Variants in NFIA observed in about 807,000 individuals in gnomAD.
NFIA encodes the protein nuclear factor I A, also known as nuclear factor 1 A-type.
In NFIA, 8 loss-of-function variants were observed where a neutral mutation model predicts 62.8. The ratio of observed to expected loss-of-function variants is 0.13; its 90% CI spans 0.07 to 0.23. The LOEUF (loss-of-function observed/expected upper bound fraction) is 0.23. NFIA is among the 10% of genes least tolerant of loss of function. The pLI is 1.00. For synonymous variants in NFIA, 235 were observed against 238.1 expected (o/e 0.99, Z 0.12); for missense variants, 410 against 642.1 (o/e 0.64, Z 3.91).
chr1:61,222,549 G>T (rs1164873527), intron 2 of NFIA, among the ~76,000 whole-genome samples: 1 of 152,078 alleles, frequency 6.6e-6, no homozygotes, highest in East Asian at 1.9e-4. Context: ...AGAGAATTGA[G>T]CCCTGAGAGC....
intron 9 of NFIA, 93 bp downstream of exon 9, chr1:61,406,820 G>C (rs1314713078): frequency 7.5e-7 from 1 of 1,339,662 alleles, no homozygotes; most frequent in Non-Finnish European, 9.9e-7. Context: ...ATAGGCTCTA[G>C]AAAGAGGCAC....
intron 3 of NFIA, among the ~76,000 whole-genome samples, chr1:61,298,481 T>C (rs867925508): frequency 1.7e-4 from 26 of 152,308 alleles, no homozygotes; most frequent in African/African-American, 5.8e-4. Context: ...TCAGTTCACC[T>C]TTGGCCATGG....
At chr1:61,266,465 T>A (rs946947443) in intron 2 of NFIA, among the ~76,000 whole-genome samples, 1 of 152,124 alleles carries the variant, frequency 6.6e-6, no homozygotes, top group Non-Finnish European at 1.5e-5. Flanking sequence ...CTGCAACCTC[T>A]GTCTCCTGGG....
At chr1:61,453,534 A>G (rs1481985912) in intron 10 of NFIA, among the ~76,000 whole-genome samples, 1 of 149,432 alleles carries the variant, frequency 6.7e-6, no homozygotes, top group Non-Finnish European at 1.5e-5. Context: ...TCTCGTCCAG[A>G]AACTGTGGTG....
At chr1:61,402,494 A>G (rs1665618212) in intron 7 of NFIA, among the ~76,000 whole-genome samples, 1 of 152,186 alleles carries the variant, frequency 6.6e-6, no homozygotes. Context: ...ATATTTATTG[A>G]GTGCCAGACT....
At chr1:61,358,063 C>G (rs1309950940) in intron 5 of NFIA, among the ~76,000 whole-genome samples, 2 of 152,000 alleles carry the variant, frequency 1.3e-5, no homozygotes, top group Non-Finnish European at 2.9e-5. Flanking sequence ...CTTGACCGTA[C>G]CTCTCCAAAA....
Position 61,404,226 on chromosome 1 carries a change from G to T in NFIA, c.1198G>T (p.Val400Phe). The T allele has an allele frequency of 6.2e-7, 1 of 1,614,186 alleles. No homozygotes were observed. The highest frequency in any genetic ancestry group is 8.5e-7 in the Non-Finnish European group (1 of 1,180,028). ...YHPQETLKEFVQLVCPDAGQQ... is the reference protein window; with the variant it reads ...YHPQETLKEFFQLVCPDAGQQ... ...CCCTCAGGAGACGCTGAAAGAATTT[G>T]TCCAACTTGTCTGCCCTGATGCTGG... Residue 400 changes from valine (V) to phenylalanine (F), a missense_variant, in exon 8 of 11, where the codon GTC (valine) becomes TTC (phenylalanine). Coordinates refer to ENST00000403491, the MANE Select transcript of NFIA (RefSeq NM_001134673.4).
intron 10 of NFIA, among the ~76,000 whole-genome samples, chr1:61,429,950 A>T (rs1347377640): frequency 6.6e-6 from 1 of 152,222 alleles, no homozygotes; most frequent in Non-Finnish European, 1.5e-5. Flanking sequence ...TTAAAGGGGT[A>T]CAGAGTTTCA....
At chr1:61,111,244 T>A (rs1437467401) in intron 2 of NFIA, among the ~76,000 whole-genome samples, 2 of 152,168 alleles carry the variant, frequency 1.3e-5, no homozygotes, top group Non-Finnish European at 2.9e-5. Flanking sequence ...TTTTTCTTTT[T>A]ATAAGTTGCC....
chr1:61,337,678 G>T (rs1661686056), intron 4 of NFIA, among the ~76,000 whole-genome samples: 1 of 152,200 alleles, frequency 6.6e-6, no homozygotes, highest in Non-Finnish European at 1.5e-5. Context: ...ACATGATGCT[G>T]CATTTTCAAA....
At chr1:61,366,393 A>G (rs1663589929) in intron 6 of NFIA, among the ~76,000 whole-genome samples, 1 of 152,220 alleles carries the variant, frequency 6.6e-6, no homozygotes, top group African/African-American at 2.4e-5. Flanking sequence ...AAGCTACTTA[A>G]ATTTTCTCCT....
intron 2 of NFIA, among the ~76,000 whole-genome samples, chr1:61,211,617 A>G (rs996285591): frequency 1.3e-5 from 2 of 152,192 alleles, no homozygotes; most frequent in Non-Finnish European, 2.9e-5. Context: ...AGACACCAGG[A>G]AATATTACAC....
rs186763678 is a variant in NFIA, at chr1:61,147,493, G to T, written c.559+58813G>T. The stretch of plus-strand genomic sequence containing the variant: ...AAAATCAGTTTTAGTCACCAAAGAA[G>T]ATACTCTGTAGCTTAATAACTTTGA... On this transcript the variant is annotated intron_variant, in intron 2 of 10. Coordinates refer to ENST00000403491, the MANE Select transcript of NFIA (RefSeq NM_001134673.4). Among the ~76,000 whole-genome samples the T allele has an allele frequency of 1.6e-3, 237 of 152,278 alleles. 3 individuals are homozygous for T. In the South Asian group the frequency reaches 0.022, roughly 14 times the overall value.
chr1:61,175,536 G>A (rs898780901), intron 2 of NFIA, among the ~76,000 whole-genome samples: 1 of 152,192 alleles, frequency 6.6e-6, no homozygotes. Context: ...CATTGTAATT[G>A]TTAGGGTAGA....
At chr1:61,303,737 G>A (rs964603977) in intron 3 of NFIA, among the ~76,000 whole-genome samples, 3 of 152,198 alleles carry the variant, frequency 2.0e-5, no homozygotes, top group African/African-American at 7.2e-5. Context: ...TTCTGATTCA[G>A]AAGTTTGCAT....
At chr1:61,179,851 T>G (rs1277393348) in intron 2 of NFIA, among the ~76,000 whole-genome samples, 1 of 152,200 alleles carries the variant, frequency 6.6e-6, no homozygotes, top group Non-Finnish European at 1.5e-5. Context: ...TGATTGGATT[T>G]ACAACCCCAT....
At chr1:61,241,035 G>A (rs1201712645) in intron 2 of NFIA, among the ~76,000 whole-genome samples, 1 of 149,934 alleles carries the variant, frequency 6.7e-6, no homozygotes, top group African/African-American at 2.5e-5. Flanking sequence ...TTTACCTAAG[G>A]AGAGTTTTGT....
At chr1:61,203,492 G>C (rs1053858292) in intron 2 of NFIA, among the ~76,000 whole-genome samples, 4 of 152,052 alleles carry the variant, frequency 2.6e-5, no homozygotes, top group African/African-American at 9.7e-5. Flanking sequence ...TGGGTTGCCT[G>C]GTTTTTGCTC....
chr1:61,327,972 C>G (rs535684775), intron 3 of NFIA, among the ~76,000 whole-genome samples: 1 of 152,052 alleles, frequency 6.6e-6, no homozygotes, highest in East Asian at 1.9e-4. Context: ...AGTAAGGTGG[C>G]ATCTCATTAT....
Sources: allele counts gnomAD v4.1 joint callset (sites outside exome capture counted in the v4.1 genomes callset), GRCh38; gene constraint gnomAD v4.1.1; transcripts MANE v1.5; gene names NCBI Gene and HGNC (gene_info 2026-07-23, HGNC 2026-07-21).